DTWD2: variants seen among roughly 807,000 people sequenced by gnomAD.
DTWD2 encodes the protein tRNA-uridine aminocarboxypropyltransferase 2.
Under a neutral mutation model 31.8 loss-of-function variants are expected in DTWD2, and 39 were observed. The observed-to-expected ratio is 1.22, with a 90% CI of 0.95 to 1.60. The LOEUF is 1.60. Among genes scored for constraint, DTWD2 ranks in the 40% most tolerant of loss-of-function variants. The pLI, the probability that DTWD2 is intolerant of heterozygous loss-of-function variation, is 0.00. For synonymous variants in DTWD2, 180 were observed against 142.8 expected (o/e 1.26, Z -1.86); for missense variants, 515 against 381.5 (o/e 1.35, Z -2.92).
At chr5:118,969,397 G>C (rs534072715) in intron 1 of DTWD2, among the ~76,000 whole-genome samples, 2 of 152,300 alleles carry the variant, frequency 1.3e-5, no homozygotes, top group African/African-American at 2.4e-5. Context: ...CCCAGTAGGG[G>C]CTCCAGACAC....
At chr5:118,940,646 AAG>A (rs1211885709) in intron 2 of DTWD2, among the ~76,000 whole-genome samples, 3 of 152,182 alleles carry the variant, frequency 2.0e-5, no homozygotes, top group African/African-American at 7.2e-5. Context: ...GTACAATACA[AAG>A]AGAGAGAGAA....
At chr5:118,902,322 A>G (rs1310129953) in intron 4 of DTWD2, among the ~76,000 whole-genome samples, 2 of 152,156 alleles carry the variant, frequency 1.3e-5, no homozygotes, top group Admixed American at 6.5e-5. Flanking sequence ...TGAGTAAAAT[A>G]TAAGTAGGTA....
intron 4 of DTWD2, among the ~76,000 whole-genome samples, chr5:118,918,313 A>G (rs1404474630): frequency 6.6e-6 from 1 of 152,062 alleles, no homozygotes; most frequent in Non-Finnish European, 1.5e-5. Context: ...ATGACATTTT[A>G]TATCAGTCAG....
At chr5:118,886,618 T>C (rs1752873980) in intron 4 of DTWD2, among the ~76,000 whole-genome samples, 1 of 152,226 alleles carries the variant, frequency 6.6e-6, no homozygotes, top group African/African-American at 2.4e-5. Context: ...CTATTATTAA[T>C]GAACATAGAA....
At chr5:118,859,297 A>G (rs1426169893) in intron 4 of DTWD2, among the ~76,000 whole-genome samples, 2 of 152,120 alleles carry the variant, frequency 1.3e-5, no homozygotes, top group South Asian at 2.1e-4. Flanking sequence ...AGAATCACAT[A>G]TTCATTATTT....
chr5:118,988,021 G>A (rs1755467295), intron 1 of DTWD2: 5 of 689,890 alleles, frequency 7.2e-6, no homozygotes, highest in Non-Finnish European at 1.3e-5. Flanking sequence ...CCTATTGGAC[G>A]CTTAAGTTTC....
At chr5:118,866,930 A>G (rs1367872301) in intron 4 of DTWD2, among the ~76,000 whole-genome samples, 3 of 152,040 alleles carry the variant, frequency 2.0e-5, no homozygotes, top group Non-Finnish European at 2.9e-5. Context: ...AAAAAAAATG[A>G]AAATAAAAAA....
At chr5:118,901,323 C>G (rs1753206731) in intron 4 of DTWD2, among the ~76,000 whole-genome samples, 1 of 152,010 alleles carries the variant, frequency 6.6e-6, no homozygotes, top group African/African-American at 2.4e-5. Context: ...CCTGATAATC[C>G]AGGGATTCAA....
intron 1 of DTWD2, among the ~76,000 whole-genome samples, chr5:118,975,086 G>C (rs1755119440): frequency 1.3e-5 from 2 of 152,092 alleles, no homozygotes; most frequent in African/African-American, 4.8e-5. Context: ...GCTAGGTTGG[G>C]GAAGTTCTCC....
In DTWD2 at chr5:118,928,653, C is replaced by T. The variant is rs1753858334; in HGVS notation, c.481G>A (p.Glu161Lys). The T allele has an allele frequency of 1.2e-6, 2 of 1,600,996 alleles. No individual in the cohort carries two copies. The highest frequency in any genetic ancestry group is 1.7e-6 in the Non-Finnish European group (2 of 1,173,046). ...LYPGAEAANL[E>K]EFILDSPVYP... is the part of the protein sequence containing the mutation. ...ACAGGAGAATCTAATATAAATTCTT[C>T]CAAATTAGCAGCTTCAGCCCCTGGA... The change falls in exon 4 of 6, where the codon GAA (glutamate) becomes AAA (lysine). Residue 161 changes from glutamate (E) to lysine (K), a missense_variant. Transcript: ENST00000510708.
chr5:118,948,094 A>G (rs1419357835), intron 1 of DTWD2, among the ~76,000 whole-genome samples: 1 of 152,194 alleles, frequency 6.6e-6, no homozygotes, highest in Non-Finnish European at 1.5e-5. Context: ...TTGGGGCAAC[A>G]TAGAGTGTTG....
intron 4 of DTWD2, among the ~76,000 whole-genome samples, chr5:118,871,293 A>G (rs78113092): frequency 0.087 from 13,313 of 152,252 alleles, 665 homozygotes; most frequent in Middle Eastern, 0.16. Context: ...GAGAGTTGGA[A>G]TCAACTTCTT....
In DTWD2 at chr5:118,840,966, T is replaced by C. The variant is rs748442317; in HGVS notation, c.848A>G (p.Lys283Arg). ...CAATTCCATTTTCCTGAGTTTGCGT[T>C]TGTTCTTTGGCATTGGTTTAGGATA... ...GLYPKPMPKN[K>R]RKLRKMELLM... Residue 283 changes from lysine to arginine, a missense_variant, in exon 6 of 6, where the codon AAA becomes AGA. Coordinates refer to ENST00000510708, the MANE Select transcript of DTWD2 (RefSeq NM_173666.4). 2 of 1,613,806 alleles carry C rather than the reference T, an allele frequency of 1.2e-6. No homozygotes were observed. Among genetic ancestry groups the C allele is most frequent in the Non-Finnish European group, 8.5e-7 (1 of 1,179,818 alleles).
intron 1 of DTWD2, among the ~76,000 whole-genome samples, chr5:118,979,536 A>T (rs1311021580): frequency 6.6e-6 from 1 of 152,216 alleles, no homozygotes; most frequent in African/African-American, 2.4e-5. Flanking sequence ...AAATCATTCT[A>T]TTATAAAGAT....
chr5:118,927,848 T>A (rs780988345), intron 4 of DTWD2, among the ~76,000 whole-genome samples: 2 of 152,086 alleles, frequency 1.3e-5, no homozygotes, highest in Admixed American at 6.5e-5. Context: ...TTCCAGGTCA[T>A]AGAAAAATAT....
At chr5:118,949,723 C>G (rs1279653243) in intron 1 of DTWD2, among the ~76,000 whole-genome samples, 4 of 151,984 alleles carry the variant, frequency 2.6e-5, no homozygotes, top group Admixed American at 2.0e-4. Context: ...ATAGAGGTGT[C>G]TCATACTTGT....
chr5:118,886,986 G>A (rs905395752), intron 4 of DTWD2, among the ~76,000 whole-genome samples: 5 of 152,096 alleles, frequency 3.3e-5, no homozygotes, highest in African/African-American at 2.4e-5. Flanking sequence ...GAAAAGTACC[G>A]TGTTTATCTA....
At chr5:118,930,910 G>A (rs897695932) in intron 3 of DTWD2, among the ~76,000 whole-genome samples, 2 of 152,128 alleles carry the variant, frequency 1.3e-5, no homozygotes, top group Non-Finnish European at 2.9e-5. Flanking sequence ...ACAGTTAAAG[G>A]TAGAGGGTTT....
chr5:118,909,795 G>A (rs932913451), intron 4 of DTWD2, among the ~76,000 whole-genome samples: 3 of 152,110 alleles, frequency 2.0e-5, no homozygotes, highest in Admixed American at 1.3e-4. Flanking sequence ...CTGAAATGAC[G>A]AGACACTGTG....
Sources: allele counts gnomAD v4.1 joint callset (sites outside exome capture counted in the v4.1 genomes callset), GRCh38; gene constraint gnomAD v4.1.1; transcripts MANE v1.5; gene names NCBI Gene and HGNC (gene_info 2026-07-23, HGNC 2026-07-21).